Variants in GPATCH2 observed in about 807,000 individuals in gnomAD.
GPATCH2 encodes the protein G patch domain-containing protein 2.
GPATCH2 carries 51 observed loss-of-function variants against 58.0 expected under a neutral mutation model. The observed-to-expected ratio is 0.88, with a 90% confidence interval of 0.70 to 1.11. The LOEUF is 1.11. GPATCH2 is among the 50% of genes most tolerant of loss of function. GPATCH2 has a pLI of 0.00. For missense variants in GPATCH2, 625 were observed against 652.2 expected, an observed-to-expected ratio of 0.96 and a Z score of 0.45; for synonymous variants, 222 against 218.5, an observed-to-expected ratio of 1.02 and a Z score of -0.14.
At chr1:217,549,451 T>C (rs749721394) in intron 5 of GPATCH2, among the ~76,000 whole-genome samples, 3 of 152,236 alleles carry the variant, frequency 2.0e-5, no homozygotes, top group Non-Finnish European at 2.9e-5. Flanking sequence ...ATATTCCTGC[T>C]ACTGTGTATA....
chr1:217,463,543 G>T (rs1341369556), intron 8 of GPATCH2, among the ~76,000 whole-genome samples: 1 of 148,118 alleles, frequency 6.8e-6, no homozygotes, highest in African/African-American at 2.5e-5. Flanking sequence ...GATGATTTAT[G>T]CCTGTAATCC....
At chr1:217,588,535 AC>A (rs1398231866) in intron 5 of GPATCH2, among the ~76,000 whole-genome samples, 1 of 152,192 alleles carries the variant, frequency 6.6e-6, no homozygotes, top group Non-Finnish European at 1.5e-5. Context: ...GAACCATAAG[AC>A]ATCATCTAGT....
chr1:217,470,190 C>G (rs1660653989), intron 8 of GPATCH2, among the ~76,000 whole-genome samples: 1 of 152,132 alleles, frequency 6.6e-6, no homozygotes, highest in African/African-American at 2.4e-5. Flanking sequence ...AACACCTGTC[C>G]TTAAGGAAAT....
chr1:217,553,785 A>C (rs1473678523), intron 5 of GPATCH2, among the ~76,000 whole-genome samples: 1 of 152,190 alleles, frequency 6.6e-6, no homozygotes, highest in African/African-American at 2.4e-5. Flanking sequence ...ACAATGGAAA[A>C]TATCATTAGC....
intron 9 of GPATCH2, among the ~76,000 whole-genome samples, chr1:217,435,657 G>A (rs995105280): frequency 2.0e-5 from 3 of 152,152 alleles, no homozygotes; most frequent in Non-Finnish European, 4.4e-5. Flanking sequence ...AGCCAGCTGA[G>A]GGGCTGGGCT....
At chr1:217,498,310 T>A (rs759201139) in intron 7 of GPATCH2, 46 bp downstream of exon 7, 2 of 1,454,574 alleles carry the variant, frequency 1.4e-6, no homozygotes, top group Non-Finnish European at 9.7e-7. Flanking sequence ...AGTTAAATAC[T>A]TGAAAGAGGC....
At chr1:217,450,549 T>A (rs1033717811) in intron 8 of GPATCH2, among the ~76,000 whole-genome samples, 14 of 152,248 alleles carry the variant, frequency 9.2e-5, no homozygotes, top group African/African-American at 3.4e-4. Context: ...GTCAAAAAAA[T>A]ACACCACAAA....
chr1:217,555,140 A>T (rs1257579780), intron 5 of GPATCH2, among the ~76,000 whole-genome samples: 2 of 152,200 alleles, frequency 1.3e-5, no homozygotes, highest in Admixed American at 1.3e-4. Flanking sequence ...ACCAAGATTT[A>T]CTGAGATAGG....
chr1:217,631,045 TC>T lies in GPATCH2; in HGVS notation c.-75del. 7.2e-7 allele frequency: 1 copy of T among 1,383,614 alleles called. No individual in the cohort carries two copies. The highest frequency in any genetic ancestry group is 9.9e-7 in the Non-Finnish European group (1 of 1,008,156). 85.7% of individuals were successfully genotyped at this position (1,383,614 alleles called of 1,614,324 possible). A position where few individuals can be genotyped will look rare whatever the true frequency, so the allele number is the denominator to read the frequency against. ...TCCAACTACAACAGCACCGGCGACT[TC>T]CAAAGAGCAGTTCAGCATTTTGAGA... is the stretch of plus-strand genomic sequence containing the variant. On this transcript the variant is annotated 5_prime_UTR_variant, in exon 1 of 10. The change creates a premature stop within an existing upstream ORF in the 5' untranslated region. Coordinates refer to ENST00000366935, the MANE Select transcript of GPATCH2 (RefSeq NM_018040.5).
chr1:217,620,621 C>A (rs1293224827), intron 1 of GPATCH2, 122 bp from the exon 2 acceptor site: 3 of 624,784 alleles, frequency 4.8e-6, no homozygotes, highest in Non-Finnish European at 8.4e-6. Context: ...TGTTTCAAAG[C>A]TAATTTTCCT....
chr1:217,465,698 C>G (rs550085269), intron 8 of GPATCH2, among the ~76,000 whole-genome samples: 35 of 152,294 alleles, frequency 2.3e-4, no homozygotes, highest in Admixed American at 1.9e-3. Context: ...CCTTCCCCAG[C>G]CATGTGGAAC....
chr1:217,448,288 C>T (rs1167874924), intron 9 of GPATCH2, among the ~76,000 whole-genome samples: 1 of 152,102 alleles, frequency 6.6e-6, no homozygotes. Context: ...CCTATAAAGG[C>T]TGCCCAAATG....
chr1:217,456,953 A>T (rs1659972941), intron 8 of GPATCH2, among the ~76,000 whole-genome samples: 2 of 152,180 alleles, frequency 1.3e-5, no homozygotes, highest in Non-Finnish European at 2.9e-5. Flanking sequence ...GATGATAATG[A>T]TTTGTGTGTG....
chr1:217,435,322 C>T (rs1658772450), intron 9 of GPATCH2, among the ~76,000 whole-genome samples: 1 of 152,224 alleles, frequency 6.6e-6, no homozygotes, highest in Admixed American at 6.5e-5. Context: ...CTGAGTCAGT[C>T]CTTTCCCCTC....
chr1:217,508,885 A>C (rs1662697622), intron 6 of GPATCH2, among the ~76,000 whole-genome samples: 1 of 152,180 alleles, frequency 6.6e-6, no homozygotes, highest in African/African-American at 2.4e-5. Flanking sequence ...AAAACCTATC[A>C]TACATTAATG....
rs556212532 is a variant in GPATCH2, at chr1:217,530,883, C to T, written c.1099-15994G>A. Among the ~76,000 whole-genome samples the T allele has an allele frequency of 9.2e-5, 14 of 152,158 alleles. 1 individual carries two copies. The highest frequency in any genetic ancestry group is 8.3e-4 in the South Asian group (4 of 4,830). On this transcript the variant is annotated intron_variant, in intron 5 of 9. Transcript: ENST00000366935. Reference sequence around the variant, plus strand: ...AAAATAAAACACAGAAGTATTTTAGCTATAATAATCGTCTCTAAATTGAAT... The same window carrying T: ...AAAATAAAACACAGAAGTATTTTAGTTATAATAATCGTCTCTAAATTGAAT...
intron 9 of GPATCH2, among the ~76,000 whole-genome samples, chr1:217,432,240 T>C (rs1658576803): frequency 6.6e-6 from 1 of 152,102 alleles, no homozygotes; most frequent in African/African-American, 2.4e-5. Context: ...GATATAGATG[T>C]TGTTTACCAT....
intron 1 of GPATCH2, among the ~76,000 whole-genome samples, chr1:217,621,688 A>G (rs1268712126): frequency 6.6e-6 from 1 of 152,250 alleles, no homozygotes. Context: ...TATAGTCTCT[A>G]CAATCATGTA....
Position 217,452,165 on chromosome 1 carries a change from T to C in GPATCH2, c.1278-2828A>G, listed in dbSNP as rs911269987. On this transcript the variant is annotated intron_variant, in intron 8 of 9. Transcript: ENST00000366935. ...GGTAGAGAGCTCGAGTTGGACACGGTTGAGACTGAAGAGGGAGGAGACCAA... is the reference window on the plus strand; with the variant it reads ...GGTAGAGAGCTCGAGTTGGACACGGCTGAGACTGAAGAGGGAGGAGACCAA... 2.6e-5 allele frequency among the ~76,000 whole-genome samples: 4 copies of C among 152,172 alleles called. No individual in the cohort carries two copies. The South Asian group carries it at 6.2e-4, about 24-fold the overall frequency.
Sources: gnomAD v4.1 joint callset for allele counts (sites outside exome capture counted in the v4.1 genomes callset) on GRCh38, gnomAD v4.1.1 for gene constraint, MANE v1.5 for transcripts, NCBI Gene and HGNC (gene_info 2026-07-23, HGNC 2026-07-21) for gene names.